ZZEF1: variants seen among roughly 807,000 people sequenced by gnomAD.
ZZEF1 encodes zinc finger ZZ-type and EF-hand domain containing 1, also known as zinc finger ZZ-type and EF-hand domain-containing protein 1.
ZZEF1 carries 157 observed loss-of-function variants against 342.8 expected under a neutral mutation model. The ratio of observed to expected loss-of-function variants is 0.46; its 90% CI spans 0.40 to 0.52. The LOEUF is 0.52. Ranked by LOEUF, ZZEF1 falls within the 20% of genes least tolerant of loss-of-function variation. The pLI, the probability that ZZEF1 is intolerant of heterozygous loss-of-function variation, is 0.00. For missense variants in ZZEF1, 3,480 were observed against 3,725.6 expected (o/e 0.93, Z 1.72); for synonymous variants, 1,505 against 1,429.1 (o/e 1.05, Z -1.20).
Position 4,088,716 on chromosome 17 carries a change from T to C in ZZEF1, c.2203A>G (p.Arg735Gly), listed in dbSNP as rs746565110. ...AGCTGCTGGATAAACTGAAGGGTCCTGAGGAGCAACGTGGCCCCACAGACA... is the reference window on the plus strand; with the variant it reads ...AGCTGCTGGATAAACTGAAGGGTCCCGAGGAGCAACGTGGCCCCACAGACA... Reference protein sequence around the residue: ...ESVCGATLLLRTLQFIQQLAH... With the variant: ...ESVCGATLLLGTLQFIQQLAH... The change falls in exon 13 of 55, where the codon AGG becomes GGG. Residue 735 changes from arginine (R) to glycine (G), a missense_variant. Around this residue, in one of 5 missense-constraint regions of ZZEF1, gnomAD observed 1,528 missense variants for 1,624.1 expected, o/e 0.94. Transcript: ENST00000381638. 5 of 1,614,172 alleles carry C rather than the reference T, an allele frequency of 3.1e-6. No individual in the cohort carries two copies. Among genetic ancestry groups the C allele is most frequent in the African/African-American group, 2.7e-5 (2 of 75,056 alleles).
In ZZEF1 at chr17:4,005,130, C is replaced by G. The variant is rs539613898; in HGVS notation, c.*1760G>C. On this transcript the variant is annotated 3_prime_UTR_variant, in exon 55 of 55. Transcript: ENST00000381638. Reference sequence around the variant, plus strand: ...GAGTCTGAGCACGCAGCGGGGCCTCCCTCCCAAGCACTAAGACTTGTTTCC... The same window carrying G: ...GAGTCTGAGCACGCAGCGGGGCCTCGCTCCCAAGCACTAAGACTTGTTTCC... The G allele has an allele frequency of 2.0e-5, 3 of 152,450 alleles. No homozygotes were observed. In the East Asian group the frequency reaches 5.8e-4, roughly 29 times the overall value. The allele number at this position is 152,450 out of a possible 1,614,324, so 9.4% of individuals were successfully genotyped here.
chr17:4,017,339 T>G lies in ZZEF1; in HGVS notation c.8001+32A>C, dbSNP rs761244369. The G allele has an allele frequency of 1.5e-5, 23 of 1,551,422 alleles. No individual in the cohort carries two copies. The highest frequency in any genetic ancestry group is 1.9e-5 in the Non-Finnish European group (22 of 1,147,050). On this transcript the variant is annotated intron_variant, in intron 48 of 54. Transcript: ENST00000381638. This position sits in a 1 kb window ranked among gnomAD's most constrained non-coding sequence, Gnocchi z 5.1. Reference sequence around the variant, plus strand: ...CCTGTGGGGCAGAGGAAGAACCTGGTGGGTGAGCACAAGCTCAGTCTGCAT... The same window carrying G: ...CCTGTGGGGCAGAGGAAGAACCTGGGGGGTGAGCACAAGCTCAGTCTGCAT...
intron 26 of ZZEF1, among the ~76,000 whole-genome samples, chr17:4,067,687 G>A (rs919395759): frequency 4.6e-5 from 7 of 152,102 alleles, no homozygotes; most frequent in African/African-American, 1.4e-4. Flanking sequence ...GCCAAGTGCA[G>A]CAGCTCATGC....
At chr17:4,052,951 G>C (rs115795827) in intron 34 of ZZEF1, among the ~76,000 whole-genome samples, 2 of 152,134 alleles carry the variant, frequency 1.3e-5, no homozygotes, top group Admixed American at 6.5e-5. Context: ...GGCTGCACTG[G>C]TCTCCTTCTC....
intron 18 of ZZEF1, among the ~76,000 whole-genome samples, chr17:4,078,549 T>G (rs2057665866): frequency 6.6e-6 from 1 of 151,884 alleles, no homozygotes; most frequent in South Asian, 2.1e-4. Flanking sequence ...TGGGTAGGAG[T>G]AAGTAGAAAG....
chr17:4,072,454 C>A (rs564509633), intron 25 of ZZEF1, among the ~76,000 whole-genome samples, 154 bp downstream of exon 25: 17 of 152,278 alleles, frequency 1.1e-4, no homozygotes, highest in African/African-American at 4.1e-4. Context: ...GACACGGTGG[C>A]GTTAACAAGT....
intron 28 of ZZEF1, among the ~76,000 whole-genome samples, 173 bp from the exon 29 acceptor site, chr17:4,065,002 A>G (rs9905832): frequency 0.087 from 13,290 of 152,258 alleles, 751 homozygotes; most frequent in Non-Finnish European, 0.13. Flanking sequence ...CGTTGTGCAC[A>G]TGTACCCTAG....
At chr17:4,128,601 A>G (rs1466265559) in intron 1 of ZZEF1, among the ~76,000 whole-genome samples, 1 of 151,176 alleles carries the variant, frequency 6.6e-6, no homozygotes, top group African/African-American at 2.4e-5. Context: ...CTGGGACCAC[A>G]GGCATGCACC....
chr17:4,051,001 G>A lies in ZZEF1; in HGVS notation c.5643C>T (p.Thr1881=). ...GCCTCTGCCGGTCACTGATCCGAAT[G>A]GTTACCATTGGGTGGGCCGTGATGC... The part of the protein sequence containing the change: ...THSITAHPMV[T]IRISDRQRLI... Residue 1881 remains threonine, a synonymous_variant, in exon 36 of 55, where the codon ACC becomes ACT. Transcript: ENST00000381638. 1.2e-6 allele frequency: 2 copies of A among 1,614,230 alleles called. No individual in the cohort carries two copies. Among genetic ancestry groups the A allele is most frequent in the Non-Finnish European group, 8.5e-7 (1 of 1,180,054 alleles).
intron 45 of ZZEF1, 95 bp downstream of exon 45, chr17:4,021,034 A>G (rs2056255447): frequency 7.5e-7 from 1 of 1,334,274 alleles, no homozygotes; most frequent in Non-Finnish European, 1.0e-6. Flanking sequence ...AGCAGACAGA[A>G]GCATTTTCAT....
intron 14 of ZZEF1, 99 bp from the exon 15 acceptor site, chr17:4,086,754 G>A (rs1452109741): frequency 8.1e-7 from 1 of 1,227,334 alleles, no homozygotes; most frequent in Non-Finnish European, 1.1e-6. Context: ...CTAGGCATCA[G>A]GCTCGATGAA....
rs188723300 is a variant in ZZEF1 at position 4,137,339 on chromosome 17, G to A, written c.354+5203C>T. On this transcript the variant is annotated intron_variant, in intron 1 of 54. Transcript: ENST00000381638. ...AAATAATCTCCACTCGGCCAGGTGCGATGGCTCATGCCTGTAATCCCAGCA... is the reference window on the plus strand; with the variant it reads ...AAATAATCTCCACTCGGCCAGGTGCAATGGCTCATGCCTGTAATCCCAGCA... 4.3e-4 allele frequency among the ~76,000 whole-genome samples: 65 copies of A among 152,310 alleles called. No individual in the cohort carries two copies. The South Asian group carries it at 6.4e-3, about 15-fold the overall frequency.
chr17:4,117,117 C>A lies in ZZEF1; in HGVS notation c.549G>T (p.Ser183=), dbSNP rs149589527. ...GGTGCAGGAAGCGCAGTATCATTGACGAGTGAATATCAAGGCCCTCCTTCG... is the reference window on the plus strand; with the variant it reads ...GGTGCAGGAAGCGCAGTATCATTGAAGAGTGAATATCAAGGCCCTCCTTCG... ...SESKEGLDIH[S]SMILRFLHRN... Residue 183 remains serine (S), a synonymous_variant, in exon 3 of 55, where the codon TCG becomes TCT. Transcript: ENST00000381638. The A allele has an allele frequency of 4.2e-5, 68 of 1,613,996 alleles. No individual in the cohort carries two copies. The highest frequency in any genetic ancestry group is 5.6e-5 in the Non-Finnish European group (66 of 1,179,958).
chr17:4,097,687 T>C (rs980995502), intron 9 of ZZEF1, among the ~76,000 whole-genome samples: 1 of 152,056 alleles, frequency 6.6e-6, no homozygotes, highest in Non-Finnish European at 1.5e-5. Context: ...CTGACCAACA[T>C]TCTATCTATT....
At chr17:4,023,868 A>C (rs781863) in intron 43 of ZZEF1, among the ~76,000 whole-genome samples, 41,581 of 151,836 alleles carry the variant, frequency 0.27, 6,897 homozygotes, top group African/African-American at 0.47. Flanking sequence ...ACAAACAAAC[A>C]AACCAACCAA....
intron 2 of ZZEF1, among the ~76,000 whole-genome samples, chr17:4,118,450 C>G (rs367571655): frequency 1.3e-5 from 2 of 152,212 alleles, no homozygotes; most frequent in African/African-American, 4.8e-5. Context: ...CTATGGGGGT[C>G]TGCCAAAGGC....
At position 4,105,624 on chromosome 17, in the gene ZZEF1, T is replaced by G; in HGVS notation, c.1394+69A>C. 12 of 1,170,560 alleles carry G rather than the reference T, an allele frequency of 1.0e-5. No individual in the cohort carries two copies. The South Asian group carries it at 1.6e-4, about 16-fold the overall frequency. 72.5% of individuals were successfully genotyped at this position (1,170,560 alleles called of 1,614,324 possible). A position where few individuals can be genotyped will look rare whatever the true frequency, so the allele number is the denominator to read the frequency against. Reference sequence around the variant, plus strand: ...TCGTTAAAAGATTAATATATATTTTTTAAAGACTTAACAAGCATACGTGCA... The same window carrying G: ...TCGTTAAAAGATTAATATATATTTTGTAAAGACTTAACAAGCATACGTGCA... On this transcript the variant is annotated intron_variant, in intron 7 of 54. Transcript: ENST00000381638.
chr17:4,071,763 C>G (rs1392687965), intron 25 of ZZEF1, among the ~76,000 whole-genome samples: 1 of 152,084 alleles, frequency 6.6e-6, no homozygotes, highest in Non-Finnish European at 1.5e-5. Context: ...TAAGGGGAGT[C>G]AGGACATTTA....
chr17:4,009,527 C>T (rs2055889844), intron 53 of ZZEF1, 77 bp downstream of exon 53: 1 of 1,594,584 alleles, frequency 6.3e-7, no homozygotes, highest in East Asian at 2.2e-5. Context: ...GATGAGGCAG[C>T]AGCTTCTGCC....
Sources: allele counts gnomAD v4.1 joint callset (sites outside exome capture counted in the v4.1 genomes callset), GRCh38; gene constraint gnomAD v4.1.1; regional missense constraint gnomAD v4.1.1; non-coding constraint Gnocchi (gnomAD v3.1); transcripts MANE v1.5; gene names NCBI Gene and HGNC (gene_info 2026-07-23, HGNC 2026-07-21).